The following TCF7 variants were observed in gnomAD, a reference collection of about 807,000 sequenced individuals.
TCF7 encodes the protein T-cell-factor-7.
A neutral mutation model predicts 46.8 loss-of-function variants in TCF7; 19 were observed. That is an observed-to-expected ratio of 0.41 (90% CI 0.28 to 0.60). The LOEUF (loss-of-function observed/expected upper bound fraction) is 0.60, where lower values mean the gene tolerates loss of function less well. Ranked by LOEUF, TCF7 falls within the 20% of genes least tolerant of loss-of-function variation. The probability of loss-of-function intolerance (pLI) is 0.35; values close to 1 mark genes in which losing one functional copy is unlikely to be tolerated. For missense variants in TCF7, 547 were observed against 504.6 expected, an observed-to-expected ratio of 1.08 and a Z score of -0.81; for synonymous variants, 245 against 213.4, an observed-to-expected ratio of 1.15 and a Z score of -1.29.
At chr5:134,118,020 T>C (rs1443213708) in intron 3 of TCF7, among the ~76,000 whole-genome samples, 2 of 152,218 alleles carry the variant, frequency 1.3e-5, no homozygotes, top group Non-Finnish European at 2.9e-5. Context: ...GAACCTCTTT[T>C]AAGCAAACCT....
intron 9 of TCF7, chr5:134,144,087 C>G (rs1580901944): frequency 5.7e-6 from 1 of 174,320 alleles, no homozygotes; most frequent in East Asian, 1.6e-4. Context: ...ATCACCCCCA[C>G]TTCAACATTT....
chr5:134,128,257 G>A (rs1419593246), intron 3 of TCF7, among the ~76,000 whole-genome samples: 1 of 152,180 alleles, frequency 6.6e-6, no homozygotes, highest in Admixed American at 6.5e-5. Context: ...GTTTCTGAGA[G>A]TTGTCTGGGG....
At chr5:134,123,136 G>A (rs152405) in intron 3 of TCF7, among the ~76,000 whole-genome samples, 2,124 of 152,308 alleles carry the variant, frequency 0.014, 21 homozygotes, top group Non-Finnish European at 0.023. Context: ...GAGTGGCAGC[G>A]GTGGTAGAGG....
chr5:134,116,745 A>G (rs1561648398), intron 3 of TCF7, among the ~76,000 whole-genome samples: 1 of 152,266 alleles, frequency 6.6e-6, no homozygotes, highest in Non-Finnish European at 1.5e-5. Flanking sequence ...AACCATGCCC[A>G]TTGGTACAGA....
chr5:134,144,063 G>A (rs1760293875), intron 9 of TCF7: 1 of 175,362 alleles, frequency 5.7e-6, no homozygotes, highest in African/African-American at 2.4e-5. Flanking sequence ...CTACTGGCTG[G>A]AGCCTGGCAA....
chr5:134,143,436 A>G (rs1450169358), intron 8 of TCF7, 156 bp from the exon 9 acceptor site: 4 of 892,928 alleles, frequency 4.5e-6, no homozygotes, highest in Non-Finnish European at 7.5e-6. Flanking sequence ...ACTCCATAGC[A>G]GCCTAGCAAG....
chr5:134,110,949 GA>G (rs1755321933), upstream of TCF7, among the ~76,000 whole-genome samples: 1 of 152,238 alleles, frequency 6.6e-6, no homozygotes, highest in Admixed American at 6.5e-5. Context: ...GTTACATGAA[GA>G]GCCAATTAGC....
intron 3 of TCF7, among the ~76,000 whole-genome samples, chr5:134,120,639 C>T (rs751719233): frequency 1.3e-5 from 2 of 152,248 alleles, no homozygotes; most frequent in Non-Finnish European, 2.9e-5. Context: ...CCTTCTCGTT[C>T]CTCACTCAGG....
intron 5 of TCF7, chr5:134,141,883 G>C (rs536911709): frequency 3.9e-6 from 1 of 256,526 alleles, no homozygotes; most frequent in African/African-American, 2.2e-5. Flanking sequence ...GGCAGCCACA[G>C]GCTCCTGAGG....
chr5:134,135,983 T>C (rs1023921542), intron 3 of TCF7, among the ~76,000 whole-genome samples: 7 of 152,110 alleles, frequency 4.6e-5, no homozygotes, highest in Non-Finnish European at 8.8e-5. Context: ...GAATTGACCA[T>C]TGAGTTCAGG....
intron 4 of TCF7, 196 bp downstream of exon 4, chr5:134,138,360 G>A (rs562815515): frequency 5.4e-6 from 3 of 555,738 alleles, no homozygotes; most frequent in African/African-American, 3.8e-5. Flanking sequence ...GTGGTGCTAG[G>A]TCAAAATGTG....
chr5:134,130,325 C>CT (rs139501863), intron 3 of TCF7, among the ~76,000 whole-genome samples: 7,169 of 152,310 alleles, frequency 0.047, 489 homozygotes, highest in African/African-American at 0.15. Flanking sequence ...CTCCTCGGCA[C>CT]AAAGCGCCAT....
Position 134,115,384 on chromosome 5 carries a change from G to A in TCF7, c.313G>A (p.Asp105Asn). ...FPDKLPEPLE[D>N]GLKAPECTSG... The stretch of plus-strand genomic sequence containing the variant: ...GGACAAACTTCCAGAGCCCCTGGAG[G>A]ACGGTGAGTTTCTGCCCGGCCCGGC... The change falls in exon 2 of 10, where the codon GAC (aspartate) becomes AAC (asparagine). Residue 105 changes from aspartate (D) to asparagine (N), a missense_variant. Around this residue, in one of 3 missense-constraint regions of TCF7, gnomAD observed 425 missense variants for 349.9 expected, o/e 1.21. Transcript: ENST00000342854. The A allele has an allele frequency of 1.9e-6, 3 of 1,601,306 alleles. No individual in the cohort carries two copies. Among genetic ancestry groups the A allele is most frequent in the Non-Finnish European group, 2.6e-6 (3 of 1,174,698 alleles).
intron 8 of TCF7, 69 bp from the exon 9 acceptor site, chr5:134,143,523 G>A (rs371676873): frequency 3.1e-6 from 5 of 1,597,414 alleles, no homozygotes; most frequent in East Asian, 2.2e-5. Context: ...ACCCAAGCTA[G>A]GCAGCAGGCT....
At chr5:134,135,397 T>A (rs1480387695) in intron 3 of TCF7, among the ~76,000 whole-genome samples, 1 of 152,150 alleles carries the variant, frequency 6.6e-6, no homozygotes, top group African/African-American at 2.4e-5. Flanking sequence ...AGCATGGGTC[T>A]AAGGAGGGAG....
At position 134,148,054 on chromosome 5, in the gene TCF7, C is replaced by T. The variant is rs1429586264; in HGVS notation, c.*1751C>T. The T allele has an allele frequency of 2.0e-5, 3 of 151,900 alleles. No individual in the cohort carries two copies. Among genetic ancestry groups the T allele is most frequent in the African/African-American group, 7.3e-5 (3 of 41,132 alleles). 9.4% of individuals were successfully genotyped at this position (151,900 alleles called of 1,614,324 possible). A position where few individuals can be genotyped will look rare whatever the true frequency, so the allele number is the denominator to read the frequency against. ...AAAAGCCTTTAGTTCCTACTTTAGC[C>T]ACTGGTTTCTCAGAATCCAAAGATC... is the stretch of plus-strand genomic sequence containing the variant. On this transcript the variant is annotated 3_prime_UTR_variant, in exon 10 of 10. Transcript: ENST00000342854.
At chr5:134,144,690 C>T in intron 9 of TCF7, 2 of 827,564 alleles carry the variant, frequency 2.4e-6, no homozygotes, top group South Asian at 1.5e-5. Flanking sequence ...TGTAGGGTGT[C>T]TATAACTGGC....
chr5:134,145,870 T>G (rs756557000), intron 9 of TCF7: 3 of 1,593,902 alleles, frequency 1.9e-6, no homozygotes, highest in Middle Eastern at 1.7e-4. Context: ...GCCCCTTGCC[T>G]TGGTGCAGAT....
chr5:134,119,475 T>C (rs1237849072), intron 3 of TCF7, among the ~76,000 whole-genome samples: 1 of 152,212 alleles, frequency 6.6e-6, no homozygotes, highest in East Asian at 1.9e-4. Flanking sequence ...TTTAAAACAG[T>C]GTATTTTATG....
Sources: allele counts gnomAD v4.1 joint callset (sites outside exome capture counted in the v4.1 genomes callset), GRCh38; gene constraint gnomAD v4.1.1; regional missense constraint gnomAD v4.1.1; transcripts MANE v1.5; gene names NCBI Gene and HGNC (gene_info 2026-07-23, HGNC 2026-07-21).